The following SYT14 variants were observed in gnomAD, a reference collection of about 807,000 sequenced individuals.
The protein encoded by SYT14 is synaptotagmin-14.
SYT14 carries 32 observed loss-of-function variants against 74.2 expected under a neutral mutation model. That is an observed-to-expected ratio of 0.43 (90% CI 0.33 to 0.58). The LOEUF is 0.58. Ranked by LOEUF, SYT14 falls within the 20% of genes least tolerant of loss-of-function variation. SYT14 has a pLI of 0.05. For synonymous variants in SYT14, 298 were observed against 337.7 expected (o/e 0.88, Z 1.29); for missense variants, 791 against 981.8 (o/e 0.81, Z 2.60).
chr1:210,041,680 A>T (rs2080793284), intron 5 of SYT14, among the ~76,000 whole-genome samples: 1 of 152,158 alleles, frequency 6.6e-6, no homozygotes, highest in Non-Finnish European at 1.5e-5. Context: ...AAGAAATCAT[A>T]AACTTAAAAA....
At chr1:209,973,814 T>A (rs1414476743) in intron 2 of SYT14, among the ~76,000 whole-genome samples, 1 of 152,250 alleles carries the variant, frequency 6.6e-6, no homozygotes, top group African/African-American at 2.4e-5. Context: ...TGAACCAGTT[T>A]ACAGTCCCAC....
intron 1 of SYT14, 32 bp from the exon 2 acceptor site, chr1:209,952,677 G>A: frequency 1.3e-6 from 2 of 1,562,142 alleles, no homozygotes; most frequent in Non-Finnish European, 1.8e-6. Context: ...TACTTTCTAT[G>A]TTTTTAACTT....
chr1:210,088,133 T>C (rs750648913), intron 5 of SYT14, among the ~76,000 whole-genome samples: 4 of 152,166 alleles, frequency 2.6e-5, no homozygotes, highest in Non-Finnish European at 4.4e-5. Flanking sequence ...TGCTCTTTAT[T>C]ATTTCATCCC....
intron 7 of SYT14, among the ~76,000 whole-genome samples, chr1:210,146,075 C>T (rs1005556032): frequency 6.6e-6 from 1 of 152,160 alleles, no homozygotes; most frequent in African/African-American, 2.4e-5. Context: ...TGGTGGCTCA[C>T]ATCTGTAATC....
Position 210,132,002 on chromosome 1 carries a change from C to T in SYT14, c.2035-23719C>T, listed in dbSNP as rs182652184. On this transcript the variant is annotated intron_variant, in intron 7 of 9. Transcript: ENST00000637265. ...TGGGCTCTGACATCCCACACTAGAC[C>T]ACTCTTCTACGGAAACACTCTCCTT... Among the ~76,000 whole-genome samples, 16 of 152,048 alleles carry T rather than the reference C, an allele frequency of 1.1e-4. No homozygotes were observed. In the East Asian group the frequency reaches 2.9e-3, roughly 28 times the overall value.
intron 5 of SYT14, among the ~76,000 whole-genome samples, chr1:210,044,805 G>A (rs745509220): frequency 5.9e-5 from 9 of 152,154 alleles, no homozygotes; most frequent in African/African-American, 1.4e-4. Context: ...ACATCTGCTC[G>A]GCTTCTGCTG....
At chr1:210,016,909 A>G in exon 4 of SYT14, 1 of 1,231,680 alleles carries the variant, frequency 8.1e-7, no homozygotes. Flanking sequence ...TTATAAAAGA[A>G]GACATACATC....
At chr1:210,001,416 G>C (rs1488228131) in intron 2 of SYT14, among the ~76,000 whole-genome samples, 1 of 151,880 alleles carries the variant, frequency 6.6e-6, no homozygotes, top group Admixed American at 6.6e-5. Context: ...ATCTAACTCT[G>C]TCTTGATGTA....
intron 2 of SYT14, among the ~76,000 whole-genome samples, chr1:209,981,573 C>T (rs2079488255): frequency 6.6e-6 from 1 of 150,512 alleles, no homozygotes; most frequent in African/African-American, 2.4e-5. Flanking sequence ...ACCTTAGCCT[C>T]CCGAGTAGCT....
intron 2 of SYT14, among the ~76,000 whole-genome samples, chr1:209,959,538 G>A (rs772870494): frequency 5.9e-5 from 9 of 152,262 alleles, no homozygotes; most frequent in Admixed American, 2.0e-4. Context: ...TGACACAGTG[G>A]AATATTATTC....
At chr1:210,069,910 C>G (rs1015835333) in intron 5 of SYT14, among the ~76,000 whole-genome samples, 1 of 151,626 alleles carries the variant, frequency 6.6e-6, no homozygotes. Context: ...GATGGCATCT[C>G]TCTCTGGAAA....
At chr1:210,169,793 G>A (rs1206066438) in exon 10 of SYT14, 1 of 151,966 alleles carries the variant, frequency 6.6e-6, no homozygotes, top group Non-Finnish European at 1.5e-5. Context: ...TAAATGTTGG[G>A]ACCTACTCTA....
chr1:209,949,622 A>C (rs2102670269), intron 1 of SYT14, among the ~76,000 whole-genome samples: 1 of 151,490 alleles, frequency 6.6e-6, no homozygotes, highest in Non-Finnish European at 1.5e-5. Context: ...TAATAAATTT[A>C]TATGACTTTT....
exon 10 of SYT14, chr1:210,169,566 T>A (rs1231995766): frequency 2.0e-5 from 3 of 152,114 alleles, no homozygotes; most frequent in Non-Finnish European, 4.4e-5. Flanking sequence ...TTAATTGATT[T>A]ATTATGTTTC....
chr1:210,135,552 TATC>T (rs1384868986), intron 7 of SYT14, among the ~76,000 whole-genome samples: 1 of 152,242 alleles, frequency 6.6e-6, no homozygotes, highest in Non-Finnish European at 1.5e-5. Context: ...CTACAAATTC[TATC>T]ATCTGTTTAG....
At chr1:209,983,778 A>C (rs1364476321) in intron 2 of SYT14, among the ~76,000 whole-genome samples, 1 of 152,140 alleles carries the variant, frequency 6.6e-6, no homozygotes, top group African/African-American at 2.4e-5. Flanking sequence ...TTTCTTTGAA[A>C]GCTTTGTAAC....
chr1:210,164,379 G>C (rs2083433324), exon 10 of SYT14: 1 of 179,688 alleles, frequency 5.6e-6, no homozygotes, highest in South Asian at 1.1e-4. Context: ...ATCCAACCTA[G>C]CGAAAATGCC....
exon 10 of SYT14, chr1:210,161,443 CAT>C (rs1199161595): frequency 1.1e-5 from 5 of 454,600 alleles, no homozygotes; most frequent in Admixed American, 2.4e-5. Context: ...ATTTATAAAA[CAT>C]AGTTTGACTG....
chr1:210,012,959 C>T (rs1432620675), intron 2 of SYT14, among the ~76,000 whole-genome samples: 1 of 152,070 alleles, frequency 6.6e-6, no homozygotes, highest in Admixed American at 6.6e-5. Context: ...GCCTTGGCCT[C>T]CCAAAATGCT....
Sources: allele counts gnomAD v4.1 joint callset (sites outside exome capture counted in the v4.1 genomes callset), GRCh38; gene constraint gnomAD v4.1.1; transcripts MANE v1.5; gene names NCBI Gene and HGNC (gene_info 2026-07-23, HGNC 2026-07-21).